KTN1: variants seen among roughly 807,000 people sequenced by gnomAD.
KTN1 encodes the protein kinectin 1.
Under a neutral mutation model 222.5 loss-of-function variants are expected in KTN1, and 130 were observed. That is an observed-to-expected ratio of 0.58 (90% CI 0.51 to 0.68). KTN1 has a LOEUF of 0.68. KTN1 is among the 30% of genes least tolerant of loss of function. KTN1 has a pLI of 0.00. For synonymous variants in KTN1, 512 were observed against 496.3 expected (o/e 1.03, Z -0.42); for missense variants, 1,508 against 1,500.4 (o/e 1.01, Z -0.08).
At position 55,627,973 on chromosome 14, in the gene KTN1, C is replaced by T. The variant is rs2040055707; in HGVS notation, c.1025C>T (p.Ala342Val). 6.2e-7 allele frequency: 1 copy of T among 1,613,746 alleles called. No homozygotes were observed. Among genetic ancestry groups the T allele is most frequent in the East Asian group, 2.2e-5 (1 of 44,876 alleles). Residue 342 changes from alanine (A) to valine (V), a missense_variant, in exon 6 of 44, where the codon GCT (alanine) becomes GTT (valine). Ala to Val is a moderately conservative substitution (Grantham distance 64). Transcript: ENST00000395314. The stretch of plus-strand genomic sequence containing the variant: ...CTTCAAGAAAAGGACAAGTTACTCG[C>T]TGCTGTGAAGGAAGATGCTGCTGCT... ...HQLQEKDKLLAAVKEDAAATK... is the reference protein window; with the variant it reads ...HQLQEKDKLLVAVKEDAAATK...
intron 18 of KTN1, among the ~76,000 whole-genome samples, chr14:55,646,417 C>G (rs1010132846): frequency 7.5e-6 from 1 of 133,724 alleles, no homozygotes. Context: ...TCCTTTTTTT[C>G]CTTTCTTTCC....
intron 11 of KTN1, among the ~76,000 whole-genome samples, 153 bp from the exon 12 acceptor site, chr14:55,637,626 A>G (rs2041288463): frequency 6.6e-6 from 1 of 151,628 alleles, no homozygotes; most frequent in Non-Finnish European, 1.5e-5. Context: ...AGATTGTCTA[A>G]TCATTGTTTA....
intron 2 of KTN1, 84 bp downstream of exon 2, chr14:55,612,655 A>C: frequency 9.3e-7 from 1 of 1,079,336 alleles, no homozygotes; most frequent in African/African-American, 1.6e-5. Flanking sequence ...ACATACACAG[A>C]ATGTTTAATA....
At chr14:55,665,476 C>G (rs1436306829) in intron 33 of KTN1, among the ~76,000 whole-genome samples, 1 of 151,986 alleles carries the variant, frequency 6.6e-6, no homozygotes, top group African/African-American at 2.4e-5. Flanking sequence ...TTCTATATTT[C>G]AATGGAATTT....
At chr14:55,602,867 A>T (rs1053711178) in intron 1 of KTN1, among the ~76,000 whole-genome samples, 2 of 152,160 alleles carry the variant, frequency 1.3e-5, no homozygotes, top group African/African-American at 4.8e-5. Flanking sequence ...GGCATGAGCC[A>T]CCGTGCCTGG....
chr14:55,643,821 G>T (rs34872770), intron 18 of KTN1, among the ~76,000 whole-genome samples: 1 of 151,794 alleles, frequency 6.6e-6, no homozygotes, highest in Non-Finnish European at 1.5e-5. Flanking sequence ...TAATATTATT[G>T]CTATCTTATT....
intron 1 of KTN1, chr14:55,607,391 G>T (rs1478721838): frequency 1.3e-5 from 2 of 152,078 alleles, no homozygotes; most frequent in Non-Finnish European, 2.9e-5. Context: ...TATAGAGCAG[G>T]ATTTTAAACC....
At chr14:55,630,283 G>A (rs1390629023) in intron 7 of KTN1, among the ~76,000 whole-genome samples, 186 bp downstream of exon 7, 6 of 152,172 alleles carry the variant, frequency 3.9e-5, no homozygotes, top group Admixed American at 6.5e-5. Flanking sequence ...GCCGGATGCA[G>A]ATAAATATGA....
chr14:55,606,409 G>C (rs1032717144), intron 1 of KTN1, among the ~76,000 whole-genome samples: 1 of 151,928 alleles, frequency 6.6e-6, no homozygotes, highest in Non-Finnish European at 1.5e-5. Flanking sequence ...ACTGTGTTCA[G>C]ATTTCAGTCT....
intron 13 of KTN1, 102 bp from the exon 14 acceptor site, chr14:55,639,811 G>A: frequency 1.4e-6 from 1 of 727,632 alleles, no homozygotes; most frequent in Non-Finnish European, 2.4e-6. Context: ...GAAGGTATAT[G>A]AGAACTACTG....
Position 55,605,690 on chromosome 14 carries a change from C to T in KTN1, c.-30-6329C>T, listed in dbSNP as rs1256806749. Among the ~76,000 whole-genome samples, 5 of 152,204 alleles carry T rather than the reference C, an allele frequency of 3.3e-5. No individual in the cohort carries two copies. The East Asian group carries it at 7.7e-4, about 23-fold the overall frequency. ...GCCAAGACTCTTGCCTTCCATTTTA[C>T]TGCCTCATTATATTGCTATTCACTA... On this transcript the variant is annotated intron_variant, in intron 1 of 43. Transcript: ENST00000395314.
rs756675093 is a variant in KTN1 at position 55,639,895 on chromosome 14, A to G, written c.1824-18A>G. 2.7e-6 allele frequency: 4 copies of G among 1,459,736 alleles called. No individual in the cohort carries two copies. Among genetic ancestry groups the G allele is most frequent in the African/African-American group, 2.8e-5 (2 of 71,514 alleles). The allele number at this position is 1,459,736 out of a possible 1,614,324, so 90.4% of individuals were successfully genotyped here. A position where few individuals can be genotyped will look rare whatever the true frequency, so the allele number is the denominator to read the frequency against. ...TTCTGAATGTTTATTGAATGTACAA[A>G]TGTCTTTCCTTCTAAAGGATTGCAG... On this transcript the variant is annotated intron_variant, in intron 13 of 43. Coordinates refer to ENST00000395314, the MANE Select transcript of KTN1 (RefSeq NM_001079521.2).
intron 5 of KTN1, among the ~76,000 whole-genome samples, chr14:55,624,337 G>C (rs2039525399): frequency 6.6e-6 from 1 of 152,186 alleles, no homozygotes; most frequent in Non-Finnish European, 1.5e-5. Flanking sequence ...CACTGGCATA[G>C]GATAGGATTT....
intron 18 of KTN1, among the ~76,000 whole-genome samples, chr14:55,644,836 T>C (rs1185261839): frequency 6.6e-6 from 1 of 152,116 alleles, no homozygotes; most frequent in Non-Finnish European, 1.5e-5. Context: ...TTGGAGGAGA[T>C]GCAAACTAAG....
chr14:55,603,165 C>T (rs2036228606), intron 1 of KTN1, among the ~76,000 whole-genome samples: 1 of 150,138 alleles, frequency 6.7e-6, no homozygotes, highest in African/African-American at 2.4e-5. Context: ...TTTACTGGAT[C>T]ATTTTTTTTT....
chr14:55,646,436 C>CTTTTCCTTTTCCT, intron 18 of KTN1, among the ~76,000 whole-genome samples: 2 of 96,892 alleles, frequency 2.1e-5, no homozygotes, highest in Admixed American at 1.1e-4. Context: ...CCTTCCTTTC[C>CTTTTCCTTTTCCT]TTTCCTTTTC....
At chr14:55,626,345 T>G (rs1036792935) in intron 5 of KTN1, among the ~76,000 whole-genome samples, 3 of 152,128 alleles carry the variant, frequency 2.0e-5, no homozygotes, top group African/African-American at 7.2e-5. Flanking sequence ...CCAACTGTAG[T>G]ATTATTTCTG....
intron 15 of KTN1, among the ~76,000 whole-genome samples, chr14:55,640,710 A>ATTATTC (rs2140999692): frequency 6.6e-6 from 1 of 152,030 alleles, no homozygotes; most frequent in Non-Finnish European, 1.5e-5. Flanking sequence ...ATTTAATTCA[A>ATTATTC]AAAGGATATA....
chr14:55,680,553 T>A, intron 43 of KTN1: 1 of 527,140 alleles, frequency 1.9e-6, no homozygotes, highest in Non-Finnish European at 3.9e-6. Context: ...AACTCATCAC[T>A]GAATTATCCC....
Sources: gnomAD v4.1 joint callset for allele counts (sites outside exome capture counted in the v4.1 genomes callset) on GRCh38, gnomAD v4.1.1 for gene constraint, MANE v1.5 for transcripts, NCBI Gene and HGNC (gene_info 2026-07-23, HGNC 2026-07-21) for gene names.